IMMP2L: variants seen among roughly 807,000 people sequenced by gnomAD.
IMMP2L encodes inner mitochondrial membrane peptidase subunit 2.
IMMP2L carries 18 observed loss-of-function variants against 19.3 expected under a neutral mutation model. The ratio of observed to expected loss-of-function variants is 0.93; its 90% CI spans 0.64 to 1.38. The LOEUF (loss-of-function observed/expected upper bound fraction) is 1.38. IMMP2L is among the 40% of genes most tolerant of loss of function. IMMP2L has a pLI of 0.00. For missense variants in IMMP2L, 233 were observed against 218.2 expected (o/e 1.07, Z -0.43); for synonymous variants, 76 against 73.0 (o/e 1.04, Z -0.21).
At chr7:111,229,292 T>C (rs1277286145) in intron 3 of IMMP2L, among the ~76,000 whole-genome samples, 1 of 152,086 alleles carries the variant, frequency 6.6e-6, no homozygotes, top group African/African-American at 2.4e-5. Context: ...GAGTATTTAA[T>C]GTATCCTGAC....
At chr7:111,416,161 A>T (rs1398904383) in intron 3 of IMMP2L, among the ~76,000 whole-genome samples, 1 of 151,894 alleles carries the variant, frequency 6.6e-6, no homozygotes, top group Admixed American at 6.6e-5. Context: ...GCACATAAAC[A>T]GAAAATCATC....
At chr7:110,865,012 G>A (rs1017307586) in intron 5 of IMMP2L, among the ~76,000 whole-genome samples, 1 of 150,396 alleles carries the variant, frequency 6.6e-6, no homozygotes, top group Non-Finnish European at 1.5e-5. Context: ...TGTCATGCTA[G>A]CTACCTGTCT....
At chr7:110,677,389 A>G (rs150558442) in intron 5 of IMMP2L, among the ~76,000 whole-genome samples, 2 of 152,324 alleles carry the variant, frequency 1.3e-5, no homozygotes, top group African/African-American at 4.8e-5. Context: ...ATGTATTAAC[A>G]TATCCATATT....
intron 2 of IMMP2L, among the ~76,000 whole-genome samples, chr7:111,516,083 A>G (rs1845845018): frequency 6.6e-6 from 1 of 152,118 alleles, no homozygotes; most frequent in Non-Finnish European, 1.5e-5. Context: ...AAGTACCTCA[A>G]CTGTCTGAGC....
intron 3 of IMMP2L, among the ~76,000 whole-genome samples, chr7:111,471,853 G>A (rs1254071137): frequency 1.3e-5 from 2 of 151,824 alleles, no homozygotes; most frequent in Non-Finnish European, 2.9e-5. Flanking sequence ...TTAATGAAGG[G>A]GACACCCAGG....
chr7:111,549,664 G>A lies in IMMP2L; in HGVS notation c.-3+12187C>T, dbSNP rs780479878. The stretch of plus-strand genomic sequence containing the variant: ...TGAGAAATAGTAAGATTCTGGCCAC[G>A]TGTGGTGGCTCACACCTGTAATCCC... On this transcript the variant is annotated intron_variant, in intron 1 of 5. Transcript: ENST00000405709. Among the ~76,000 whole-genome samples, 10 of 152,036 alleles carry A rather than the reference G, an allele frequency of 6.6e-5. No homozygotes were observed. In the East Asian group the frequency reaches 9.6e-4, roughly 15 times the overall value.
At chr7:110,860,342 T>A (rs1406613000) in intron 5 of IMMP2L, among the ~76,000 whole-genome samples, 1 of 152,138 alleles carries the variant, frequency 6.6e-6, no homozygotes, top group Non-Finnish European at 1.5e-5. Context: ...TATTACCTCC[T>A]ATTGAGAGAT....
At position 110,757,456 on chromosome 7, in the gene IMMP2L, C is replaced by A. The variant is rs139581305; in HGVS notation, c.409-93735G>T. ...TGTCTTTTATTTGGATCACCAGATA[C>A]GCTCTCCACATTTCTCTTGAACTCT... On this transcript the variant is annotated intron_variant, in intron 5 of 5. Transcript: ENST00000405709. The surrounding 1 kb of genome is among the most constrained non-coding windows in gnomAD (Gnocchi z 4.2). 6.6e-6 allele frequency among the ~76,000 whole-genome samples: 1 copy of A among 152,018 alleles called. No individual in the cohort carries two copies. Among genetic ancestry groups the A allele is most frequent in the Non-Finnish European group, 1.5e-5 (1 of 67,994 alleles).
chr7:111,275,084 C>A (rs1333219185), intron 3 of IMMP2L, among the ~76,000 whole-genome samples: 1 of 152,136 alleles, frequency 6.6e-6, no homozygotes, highest in African/African-American at 2.4e-5. Context: ...TATTTGAATT[C>A]TTTCATGTTG....
intron 5 of IMMP2L, among the ~76,000 whole-genome samples, chr7:110,866,976 T>C (rs1585077106): frequency 1.3e-5 from 2 of 152,080 alleles, no homozygotes; most frequent in Admixed American, 6.6e-5. Context: ...TATACCTCAA[T>C]ATACACTATT....
chr7:111,366,463 C>A (rs898196176), intron 3 of IMMP2L, among the ~76,000 whole-genome samples: 1 of 151,764 alleles, frequency 6.6e-6, no homozygotes, highest in African/African-American at 2.4e-5. Flanking sequence ...ATTAAAGAGA[C>A]CTGAAAACCA....
intron 3 of IMMP2L, among the ~76,000 whole-genome samples, chr7:111,480,512 A>AT (rs1842087189): frequency 6.6e-6 from 1 of 150,676 alleles, no homozygotes; most frequent in Admixed American, 6.6e-5. Flanking sequence ...ACATATACTT[A>AT]GTAATGACTG....
rs753144493 is a variant in IMMP2L, at chr7:111,553,245, A to G, written c.-3+8606T>C. On this transcript the variant is annotated intron_variant, in intron 1 of 5. Coordinates refer to ENST00000405709, the MANE Select transcript of IMMP2L (RefSeq NM_032549.4). ...AATGAGTAGAGAAAACAGATCTGGAACCCAGTCTTTAGGCTTTAGGTTCAA... is the reference window on the plus strand; with the variant it reads ...AATGAGTAGAGAAAACAGATCTGGAGCCCAGTCTTTAGGCTTTAGGTTCAA... 5.3e-5 allele frequency among the ~76,000 whole-genome samples: 8 copies of G among 152,168 alleles called. 1 individual carries two copies. Among genetic ancestry groups the G allele is most frequent in the Non-Finnish European group, 1.2e-4 (8 of 68,022 alleles).
intron 5 of IMMP2L, among the ~76,000 whole-genome samples, chr7:110,696,273 T>C (rs1344345754): frequency 6.6e-6 from 1 of 152,070 alleles, no homozygotes; most frequent in African/African-American, 2.4e-5. Flanking sequence ...GGTTTCTAAG[T>C]AGTGAGTGAC....
chr7:110,989,002 C>T (rs1011898596), intron 3 of IMMP2L, among the ~76,000 whole-genome samples: 6 of 151,976 alleles, frequency 3.9e-5, no homozygotes, highest in South Asian at 2.1e-4. Flanking sequence ...TTTGGGGGAC[C>T]GAGGCGGCAG....
At chr7:110,886,179 A>G (rs2129545479) in intron 5 of IMMP2L, among the ~76,000 whole-genome samples, 1 of 152,166 alleles carries the variant, frequency 6.6e-6, no homozygotes, top group Admixed American at 6.6e-5. Context: ...TACCAATATG[A>G]TTTCTATTAC....
chr7:111,044,206 G>A (rs748397685), intron 3 of IMMP2L, among the ~76,000 whole-genome samples: 14 of 152,158 alleles, frequency 9.2e-5, no homozygotes, highest in Non-Finnish European at 1.8e-4. Flanking sequence ...AGGATAAAAT[G>A]CCAAATGCAG....
At chr7:111,296,123 G>C (rs781000094) in intron 3 of IMMP2L, among the ~76,000 whole-genome samples, 87 of 151,738 alleles carry the variant, frequency 5.7e-4, no homozygotes, top group Admixed American at 1.2e-3. Context: ...GAAAATATTT[G>C]CAATAAGTAT....
intron 3 of IMMP2L, among the ~76,000 whole-genome samples, chr7:111,351,127 T>C (rs1828105522): frequency 6.6e-6 from 1 of 152,136 alleles, no homozygotes; most frequent in African/African-American, 2.4e-5. Context: ...CTGGGAAAAA[T>C]ATCTTGCATT....
Sources: allele counts gnomAD v4.1 joint callset (sites outside exome capture counted in the v4.1 genomes callset), GRCh38; gene constraint gnomAD v4.1.1; non-coding constraint Gnocchi (gnomAD v3.1); transcripts MANE v1.5; gene names NCBI Gene and HGNC (gene_info 2026-07-23, HGNC 2026-07-21).